The following GAK variants were observed in gnomAD, a reference collection of about 807,000 sequenced individuals.
GAK encodes the protein cyclin-G-associated kinase.
A neutral mutation model predicts 143.9 loss-of-function variants in GAK; 79 were observed. That is an observed-to-expected ratio of 0.55 (90% CI 0.46 to 0.66). The LOEUF is 0.66. GAK is among the 30% of genes least tolerant of loss of function. The probability of loss-of-function intolerance (pLI) is 0.00; values close to 1 mark genes in which losing one functional copy is unlikely to be tolerated. For missense variants in GAK, 1,693 were observed against 1,779.7 expected, an observed-to-expected ratio of 0.95 and a Z score of 0.88; for synonymous variants, 881 against 765.5, an observed-to-expected ratio of 1.15 and a Z score of -2.49.
intron 1 of GAK, 136 bp downstream of exon 1, chr4:931,907 C>G (rs1725908642): frequency 2.9e-6 from 2 of 683,382 alleles, no homozygotes; most frequent in Admixed American, 5.0e-5. Context: ...CCTCCCCTGG[C>G]CGACCCTGAC....
At chr4:875,294 G>A (rs1487074855) in intron 18 of GAK, among the ~76,000 whole-genome samples, 4 of 152,106 alleles carry the variant, frequency 2.6e-5, no homozygotes, top group Admixed American at 6.6e-5. Flanking sequence ...TTAAAGTTGC[G>A]AATATGTGAG....
At chr4:925,759 G>A (rs574584191) in intron 1 of GAK, among the ~76,000 whole-genome samples, 15 of 152,334 alleles carry the variant, frequency 9.8e-5, no homozygotes, top group African/African-American at 2.9e-4. Flanking sequence ...GACCTCACCA[G>A]ACACCAGATC....
chr4:849,835 C>CCG, intron 27 of GAK, 57 bp downstream of exon 27: 1 of 183,810 alleles, frequency 5.4e-6, no homozygotes, highest in Non-Finnish European at 7.5e-6. Context: ...CGGGGCAGGA[C>CCG]CCCCCCCCCG....
At chr4:919,019 T>C (rs35907294) in intron 1 of GAK, among the ~76,000 whole-genome samples, 8 of 75,192 alleles carry the variant, frequency 1.1e-4, no homozygotes, top group East Asian at 6.1e-4. Flanking sequence ...AAGGCCTCAG[T>C]GCCGCATGAC....
intron 6 of GAK, 42 bp from the exon 7 acceptor site, chr4:896,591 C>T: frequency 6.8e-7 from 1 of 1,469,576 alleles, no homozygotes; most frequent in Non-Finnish European, 9.5e-7. Flanking sequence ...TTGCATCCCA[C>T]AAACAGTATT....
intron 1 of GAK, among the ~76,000 whole-genome samples, chr4:920,353 C>G (rs1162470742): frequency 1.3e-5 from 2 of 151,484 alleles, no homozygotes; most frequent in Non-Finnish European, 2.9e-5. Context: ...CACAGCATCA[C>G]TGATGTGACT....
rs978641144 is a variant in GAK at position 870,275 on chromosome 4, C to T, written c.2248+436G>A. Among the ~76,000 whole-genome samples the T allele has an allele frequency of 7.9e-5, 12 of 152,200 alleles. 1 individual carries two copies. The highest frequency in any genetic ancestry group is 1.2e-4 in the African/African-American group (5 of 41,450). ...CCCTGGGCCCACCTGCCAGCACTTC[C>T]TGGGCTGCCGTTTCGAAACTGCTCG... On this transcript the variant is annotated intron_variant, in intron 19 of 27. Coordinates refer to ENST00000314167, the MANE Select transcript of GAK (RefSeq NM_005255.4).
chr4:926,187 G>A (rs1724710164), intron 1 of GAK, among the ~76,000 whole-genome samples: 1 of 150,640 alleles, frequency 6.6e-6, no homozygotes, highest in African/African-American at 2.5e-5. Context: ...TCCCCCAATG[G>A]TGAGCCCACC....
At chr4:903,114 C>T (rs569574028) in intron 5 of GAK, among the ~76,000 whole-genome samples, 70 of 152,310 alleles carry the variant, frequency 4.6e-4, no homozygotes, top group African/African-American at 1.5e-3. Context: ...CAGCACGGAG[C>T]GCAGGCCCAG....
chr4:917,137 C>G (rs932086161), intron 1 of GAK, among the ~76,000 whole-genome samples: 1 of 152,150 alleles, frequency 6.6e-6, no homozygotes, highest in Non-Finnish European at 1.5e-5. Context: ...CACAAACGAC[C>G]AGGCCAAAAA....
chr4:911,665 G>T lies in GAK; in HGVS notation c.382+8C>A, dbSNP rs1402839416. The T allele has an allele frequency of 1.2e-6, 2 of 1,605,584 alleles. No individual in the cohort carries two copies. The highest frequency in any genetic ancestry group is 1.7e-6 in the Non-Finnish European group (2 of 1,172,442). ...GATGGCACCAAGCCGGCCTTCACAG[G>T]ACGTTACCTTTACAGAGCTCTGTGA... is the stretch of plus-strand genomic sequence containing the variant. On this transcript the variant is annotated splice_region_variant and intron_variant, in intron 4 of 27. Coordinates refer to ENST00000314167, the MANE Select transcript of GAK (RefSeq NM_005255.4).
At chr4:887,562 TCA>T (rs1327491429) in intron 11 of GAK, 1 of 136,098 alleles carries the variant, frequency 7.3e-6, no homozygotes, top group African/African-American at 3.1e-5. Flanking sequence ...TCACGCACAC[TCA>T]CAGGCACTCC....
Position 914,998 on chromosome 4 carries a change from A to G in GAK, c.146-1330T>C, listed in dbSNP as rs1480332959. Among the ~76,000 whole-genome samples the G allele has an allele frequency of 5.9e-5, 7 of 118,662 alleles. No homozygotes were observed. In the East Asian group the frequency reaches 1.6e-3, roughly 27 times the overall value. 77.8% of individuals were successfully genotyped at this position (118,662 alleles called of 152,430 possible). Reference sequence around the variant, plus strand: ...AGGTCCAGCGTACACGGCCCCCAACACACACAGCCCCAGCGCACACGGCCC... The same window carrying G: ...AGGTCCAGCGTACACGGCCCCCAACGCACACAGCCCCAGCGCACACGGCCC... On this transcript the variant is annotated intron_variant, in intron 1 of 27. Coordinates refer to ENST00000314167, the MANE Select transcript of GAK (RefSeq NM_005255.4).
Position 870,703 on chromosome 4 carries a change from G to A in GAK, c.2248+8C>T, listed in dbSNP as rs533161098. ...CAGGGTTCACCTAATTCACCTGCGGGATCTTACCAAACTTAGACAGAATGT... is the reference window on the plus strand; with the variant it reads ...CAGGGTTCACCTAATTCACCTGCGGAATCTTACCAAACTTAGACAGAATGT... On this transcript the variant is annotated splice_region_variant and intron_variant, in intron 19 of 27. Transcript: ENST00000314167. The A allele has an allele frequency of 6.2e-7, 1 of 1,613,128 alleles. No individual in the cohort carries two copies. The highest frequency in any genetic ancestry group is 2.2e-5 in the East Asian group (1 of 44,872).
intron 27 of GAK, 58 bp downstream of exon 27, chr4:849,834 A>AACCC: frequency 1.1e-6 from 1 of 942,246 alleles, no homozygotes. Context: ...GCGGGGCAGG[A>AACCC]CCCCCCCCCC....
intron 4 of GAK, among the ~76,000 whole-genome samples, chr4:908,909 G>A (rs558022981): frequency 3.3e-5 from 5 of 151,926 alleles, no homozygotes; most frequent in East Asian, 3.9e-4. Context: ...CAAGAGTCTC[G>A]GCTCACTGCA....
intron 19 of GAK, 87 bp downstream of exon 19, chr4:870,624 G>T: frequency 2.1e-6 from 3 of 1,419,780 alleles, no homozygotes; most frequent in Non-Finnish European, 2.9e-6. Context: ...GTGGGGCCCA[G>T]CCCTGCCAGA....
At chr4:912,879 G>A (rs1014151030) in intron 2 of GAK, 85 bp from the exon 3 acceptor site, 7 of 1,143,168 alleles carry the variant, frequency 6.1e-6, no homozygotes, top group South Asian at 2.6e-5. Context: ...ACATAAGCAC[G>A]CAACAGAGCA....
intron 4 of GAK, among the ~76,000 whole-genome samples, chr4:909,514 G>T (rs935854477): frequency 6.6e-6 from 1 of 152,144 alleles, no homozygotes; most frequent in Non-Finnish European, 1.5e-5. Context: ...GCACGGGAGG[G>T]GCCGGGAGCG....
Sources: gnomAD v4.1 joint callset for allele counts (sites outside exome capture counted in the v4.1 genomes callset) on GRCh38, gnomAD v4.1.1 for gene constraint, MANE v1.5 for transcripts, NCBI Gene and HGNC (gene_info 2026-07-23, HGNC 2026-07-21) for gene names.